The following SLC22A17 variants were observed in gnomAD, a reference collection of about 807,000 sequenced individuals.
The protein encoded by SLC22A17 is solute carrier family 22 member 17, also known as 24p3 receptor.
Under a neutral mutation model 53.6 loss-of-function variants are expected in SLC22A17, and 38 were observed. That is an observed-to-expected ratio of 0.71 (90% CI 0.55 to 0.93). The LOEUF is 0.93. Among genes scored for constraint, SLC22A17 ranks in the 40% least tolerant of loss-of-function variants. The pLI is 0.00. For synonymous variants in SLC22A17, 379 were observed against 353.0 expected, an observed-to-expected ratio of 1.07 and a Z score of -0.82; for missense variants, 704 against 791.0, an observed-to-expected ratio of 0.89 and a Z score of 1.32.
Position 23,348,677 on chromosome 14 carries a change from G to C in SLC22A17, c.860-6C>G. 1.2e-6 allele frequency: 2 copies of C among 1,607,086 alleles called. No homozygotes were observed. The highest frequency in any genetic ancestry group is 1.7e-6 in the Non-Finnish European group (2 of 1,176,676). ...TGGGTCGCACAGCTCCAGGCCTGGA[G>C]ATACAGCAGGGGTGGAGAGAGGAGA... On this transcript the variant is annotated splice_region_variant and splice_polypyrimidine_tract_variant and intron_variant, in intron 4 of 9. Coordinates refer to ENST00000397267, the Ensembl canonical transcript of SLC22A17. This position sits in a 1 kb window ranked among gnomAD's most constrained non-coding sequence, Gnocchi z 4.5.
intron 3 of SLC22A17, among the ~76,000 whole-genome samples, chr14:23,350,377 C>T (rs986509464): frequency 6.6e-6 from 1 of 151,880 alleles, no homozygotes. Context: ...GTGTATTAAT[C>T]CATAAGGTAG....
intron 3 of SLC22A17, chr14:23,351,543 G>T: frequency 1.8e-6 from 1 of 557,344 alleles, no homozygotes. Context: ...CATAGAGGTC[G>T]AGTCATTCCC....
At chr14:23,349,220 G>A (rs1322461108) in intron 4 of SLC22A17, 52 bp downstream of exon 4, 1 of 1,612,358 alleles carries the variant, frequency 6.2e-7, no homozygotes, top group Admixed American at 1.7e-5. Context: ...TGGCGATGCA[G>A]GCAGGTAGGC....
Position 23,352,278 on chromosome 14 carries a change from C to G in SLC22A17, c.270G>C (p.Leu90=), listed in dbSNP as rs1889690565. 5 of 1,414,928 alleles carry G rather than the reference C, an allele frequency of 3.5e-6. No homozygotes were observed. Among genetic ancestry groups the G allele is most frequent in the African/African-American group, 1.5e-5 (1 of 65,672 alleles). 87.6% of individuals were successfully genotyped at this position (1,414,928 alleles called of 1,614,324 possible). Residue 90 remains leucine, a synonymous_variant, in exon 2 of 10, where the codon CTG becomes CTC. Coordinates refer to ENST00000397267, the Ensembl canonical transcript of SLC22A17. This position sits in a 1 kb window ranked among gnomAD's most constrained non-coding sequence, Gnocchi z 7.2. ...CGAGCTGCAGCTGCTGGCCGCCGCC[C>G]AGCGCCCCCACCTGGGCGAGCAGCG... is the stretch of plus-strand genomic sequence containing the variant.
Position 23,346,772 on chromosome 14 carries a change from C to T in SLC22A17, c.1826G>A (p.Arg609His), listed in dbSNP as rs34471438. The T allele has an allele frequency of 3.7e-5, 57 of 1,543,604 alleles. No homozygotes were observed. The African/African-American group carries it at 6.2e-4, about 17-fold the overall frequency. ...CCGGAGCACCTCGGGCAGGAGCTTG[C>T]GCTTGGTCTCCGGCAGCAGCATAAT... Residue 609 changes from arginine to histidine, a missense_variant, in exon 10 of 10, where the codon CGC (arginine) becomes CAC (histidine). Coordinates refer to ENST00000397267, the Ensembl canonical transcript of SLC22A17.
intron 3 of SLC22A17, chr14:23,349,816 G>A: frequency 1.4e-5 from 3 of 219,734 alleles, no homozygotes; most frequent in Non-Finnish European, 2.7e-5. Flanking sequence ...ACTGTTCAGA[G>A]GAGATGTGGG....
At position 23,347,114 on chromosome 14, in the gene SLC22A17, G is replaced by A; in HGVS notation, c.1648C>T (p.Pro550Ser). 2 of 1,613,302 alleles carry A rather than the reference G, an allele frequency of 1.2e-6. No individual in the cohort carries two copies. Among genetic ancestry groups the A allele is most frequent in the Non-Finnish European group, 1.7e-6 (2 of 1,179,788 alleles). The change falls in exon 9 of 10, where the codon CCC becomes TCC. Residue 550 changes from proline to serine, a missense_variant. By Grantham distance (74) the Pro-to-Ser change is moderately conservative. Transcript: ENST00000397267. This position sits in a 1 kb window ranked among gnomAD's most constrained non-coding sequence, Gnocchi z 5.1. ...CCCTGCTCTCACCGGACAGTGGTGG[G>A]GATGACCTCAGCAGCAAGGAGGGTG...
rs17090809 is a variant in SLC22A17, at chr14:23,348,402, G to T, written c.1026-96C>A. Reference sequence around the variant, plus strand: ...CTCTGAGGGACTGGGGCTGGGGTAGGCCTGGACCAGGGGTAGTTGGAGAAG... The same window carrying T: ...CTCTGAGGGACTGGGGCTGGGGTAGTCCTGGACCAGGGGTAGTTGGAGAAG... On this transcript the variant is annotated intron_variant, in intron 5 of 9. Transcript: ENST00000397267. The surrounding 1 kb of genome is among the most constrained non-coding windows in gnomAD (Gnocchi z 4.5). 4.6e-3 allele frequency: 7,323 copies of T among 1,583,026 alleles called. 280 individuals are homozygous for T. In the African/African-American group the frequency reaches 0.085, roughly 18 times the overall value.
rs938521438 is a variant in SLC22A17 at position 23,349,003 on chromosome 14, C to G, written c.859+269G>C. The G allele has an allele frequency of 6.7e-6, 4 of 598,038 alleles. No individual in the cohort carries two copies. In the African/African-American group the frequency reaches 7.4e-5, roughly 11 times the overall value. 37.0% of individuals were successfully genotyped at this position (598,038 alleles called of 1,614,324 possible). The stretch of plus-strand genomic sequence containing the variant: ...CAAGGTCACACAGCTAGGGACAATC[C>G]TTGTCCCTGGACTTACTGCTATCAG... On this transcript the variant is annotated intron_variant, in intron 4 of 9. Coordinates refer to ENST00000397267, the Ensembl canonical transcript of SLC22A17.
chr14:23,347,635 G>A lies in SLC22A17; in HGVS notation c.1374C>T (p.Thr458=), dbSNP rs751079242. The A allele has an allele frequency of 1.7e-5, 28 of 1,613,818 alleles. No individual in the cohort carries two copies. In the South Asian group the frequency reaches 2.3e-4, roughly 13 times the overall value. The change falls in exon 8 of 10, where the codon ACC becomes ACT. Residue 458 remains threonine (T), a synonymous_variant. Transcript: ENST00000397267. This position sits in a 1 kb window ranked among gnomAD's most constrained non-coding sequence, Gnocchi z 5.1. ...CCAGGAAGACACAGGCCAGGGCTGC[G>A]GTGCCGCTGGCCAGCAGAGAGCACA...
chr14:23,348,221 C>T lies in SLC22A17; in HGVS notation c.1111G>A (p.Ala371Thr), dbSNP rs371611827. Reference sequence around the variant, plus strand: ...TGCCCATGGGGCCGGTTTCGCTCAGCCAGGATCCTCAGCACAGACTGAGCC... The same window carrying T: ...TGCCCATGGGGCCGGTTTCGCTCAGTCAGGATCCTCAGCACAGACTGAGCC... The change falls in exon 6 of 10, where the codon GCT becomes ACT. Residue 371 changes from alanine (A) to threonine (T), a missense_variant. Coordinates refer to ENST00000397267, the Ensembl canonical transcript of SLC22A17. This position sits in a 1 kb window ranked among gnomAD's most constrained non-coding sequence, Gnocchi z 4.5. 7 of 1,613,992 alleles carry T rather than the reference C, an allele frequency of 4.3e-6. No individual in the cohort carries two copies. In the African/African-American group the frequency reaches 9.3e-5, roughly 22 times the overall value.
rs1003870019 is a variant in SLC22A17 at position 23,349,673 on chromosome 14, A to G, written c.705-247T>C. 15 of 564,002 alleles carry G rather than the reference A, an allele frequency of 2.7e-5. No homozygotes were observed. The Admixed American group carries it at 2.8e-4, about 11-fold the overall frequency. 34.9% of individuals were successfully genotyped at this position (564,002 alleles called of 1,614,324 possible). A position where few individuals can be genotyped will look rare whatever the true frequency, so the allele number is the denominator to read the frequency against. On this transcript the variant is annotated intron_variant, in intron 3 of 9. Coordinates refer to ENST00000397267, the Ensembl canonical transcript of SLC22A17. ...AACATTGACTCTTGGGCTATTGGTC[A>G]GAGATTAGGGCACTTGTCAATGGAT...
rs918905518 is a variant in SLC22A17, at chr14:23,346,528, T to A, written c.*120A>T. On this transcript the variant is annotated 3_prime_UTR_variant, in exon 10 of 10. Transcript: ENST00000397267. ...GGACGGCCCTCTGAGCTCTCCGCGATGGCTGGCGTGAGGTGCCTCTGAGAC... is the reference window on the plus strand; with the variant it reads ...GGACGGCCCTCTGAGCTCTCCGCGAAGGCTGGCGTGAGGTGCCTCTGAGAC... 1.3e-5 allele frequency: 17 copies of A among 1,272,042 alleles called. No homozygotes were observed. In the African/African-American group the frequency reaches 2.6e-4, roughly 19 times the overall value. The allele number at this position is 1,272,042 out of a possible 1,614,324, so 78.8% of individuals were successfully genotyped here.
rs1466102423 is a variant in SLC22A17 at position 23,348,709 on chromosome 14, C to T, written c.860-38G>A. On this transcript the variant is annotated intron_variant, in intron 4 of 9. Coordinates refer to ENST00000397267, the Ensembl canonical transcript of SLC22A17. The surrounding 1 kb of genome is among the most constrained non-coding windows in gnomAD (Gnocchi z 4.5). Reference sequence around the variant, plus strand: ...CAGGGGTGGAGAGAGGAGAGGGAGGCCAGGGAGGAAGAAGGCATAAGAGAG... The same window carrying T: ...CAGGGGTGGAGAGAGGAGAGGGAGGTCAGGGAGGAAGAAGGCATAAGAGAG... The T allele has an allele frequency of 6.4e-7, 1 of 1,564,128 alleles. No individual in the cohort carries two copies. The highest frequency in any genetic ancestry group is 8.6e-7 in the Non-Finnish European group (1 of 1,156,436).
intron 4 of SLC22A17, chr14:23,349,050 G>A (rs978888677): frequency 7.9e-6 from 5 of 632,980 alleles, no homozygotes; most frequent in Admixed American, 5.3e-5. Flanking sequence ...CTTATTCCTT[G>A]GCAGCAGTAA....
In SLC22A17 at chr14:23,348,277, C is replaced by T. The variant is rs968923148; in HGVS notation, c.1055G>A (p.Arg352Gln). The change falls in exon 6 of 10, where the codon CGG becomes CAG. Residue 352 changes from arginine to glutamine, a missense_variant. Transcript: ENST00000397267. The surrounding 1 kb of genome is among the most constrained non-coding windows in gnomAD (Gnocchi z 4.5). Reference sequence around the variant, plus strand: ...AATCTGCCGCTTCACTATCAGCCACCGTGCGGACTCCAGGAACAAACCAGG... The same window carrying T: ...AATCTGCCGCTTCACTATCAGCCACTGTGCGGACTCCAGGAACAAACCAGG... The T allele has an allele frequency of 1.9e-6, 3 of 1,614,130 alleles. No homozygotes were observed. Among genetic ancestry groups the T allele is most frequent in the Non-Finnish European group, 1.7e-6 (2 of 1,180,002 alleles).
Position 23,348,527 on chromosome 14 carries a change from C to T in SLC22A17, c.1004G>A (p.Cys335Tyr). Residue 335 changes from cysteine (C) to tyrosine (Y), a missense_variant, in exon 5 of 10, where the codon TGC becomes TAC. By Grantham distance (194) the Cys-to-Tyr change is radical. Around this residue, in one of 4 missense-constraint regions of SLC22A17, gnomAD observed 435 missense variants for 529.0 expected, o/e 0.82. Coordinates refer to ENST00000397267, the Ensembl canonical transcript of SLC22A17. This position sits in a 1 kb window ranked among gnomAD's most constrained non-coding sequence, Gnocchi z 4.5. The stretch of plus-strand genomic sequence containing the variant: ...TGACCCATAAAACAGGAAGAGGATG[C>T]AGGGAGCGGTGATCATTCGCTGTAG... 2 of 1,613,834 alleles carry T rather than the reference C, an allele frequency of 1.2e-6. No individual in the cohort carries two copies. The highest frequency in any genetic ancestry group is 1.7e-6 in the Non-Finnish European group (2 of 1,179,856).
Position 23,352,499 on chromosome 14 carries a change from C to A in SLC22A17, c.97-48G>T. On this transcript the variant is annotated intron_variant, in intron 1 of 9. Coordinates refer to ENST00000397267, the Ensembl canonical transcript of SLC22A17. This position sits in a 1 kb window ranked among gnomAD's most constrained non-coding sequence, Gnocchi z 7.2. ...AGGAGAAGGGTGAAGCGGAGGAAAC[C>A]GCAGAGCAAGGGCAGGGGGCAGGTG... 2.4e-6 allele frequency: 1 copy of A among 424,186 alleles called. No individual in the cohort carries two copies. The highest frequency in any genetic ancestry group is 3.6e-5 in the East Asian group (1 of 28,164). The allele number at this position is 424,186 out of a possible 1,614,324, so 26.3% of individuals were successfully genotyped here.
intron 3 of SLC22A17, chr14:23,351,516 G>T: frequency 2.0e-6 from 1 of 490,438 alleles, no homozygotes; most frequent in Non-Finnish European, 3.6e-6. Flanking sequence ...TAATTAGTGG[G>T]AATGGGACTA....
Sources: gnomAD v4.1 joint callset for allele counts (sites outside exome capture counted in the v4.1 genomes callset) on GRCh38, gnomAD v4.1.1 for gene constraint, gnomAD v4.1.1 regional missense constraint, Gnocchi (gnomAD v3.1) non-coding constraint, MANE v1.5 for transcripts, NCBI Gene and HGNC (gene_info 2026-07-23, HGNC 2026-07-21) for gene names.